Variants in CABYR observed in about 807,000 individuals in gnomAD.
The protein encoded by CABYR is calcium binding tyrosine phosphorylation regulated, also known as calcium-binding tyrosine phosphorylation-regulated protein.
In CABYR, 31 loss-of-function variants were observed where a neutral mutation model predicts 36.1. That is an observed-to-expected ratio of 0.86 (90% CI 0.64 to 1.16). The LOEUF is 1.16. CABYR is among the 50% of genes most tolerant of loss of function. CABYR has a pLI of 0.00. For synonymous variants in CABYR, 146 were observed against 160.7 expected, an observed-to-expected ratio of 0.91 and a Z score of 0.69; for missense variants, 429 against 455.8, an observed-to-expected ratio of 0.94 and a Z score of 0.53.
At chr18:24,149,055 C>T (rs1427159082) in intron 3 of CABYR, among the ~76,000 whole-genome samples, 4 of 152,136 alleles carry the variant, frequency 2.6e-5, no homozygotes, top group South Asian at 2.1e-4. Context: ...GGTGCGTTTA[C>T]AATCCCTGAG....
chr18:24,145,796 G>C (rs1221904741), intron 3 of CABYR, among the ~76,000 whole-genome samples: 1 of 152,110 alleles, frequency 6.6e-6, no homozygotes, highest in Non-Finnish European at 1.5e-5. Flanking sequence ...CCTCAGAAAG[G>C]TCATAAACTA....
At chr18:24,152,502 T>C (rs1030832386) in intron 3 of CABYR, 4 of 152,256 alleles carry the variant, frequency 2.6e-5, no homozygotes, top group Non-Finnish European at 4.4e-5. Flanking sequence ...CCCTGGTAAA[T>C]TGTTAAGGAT....
Position 24,155,956 on chromosome 18 carries a change from C to CA in CABYR, c.456dup (p.Pro153ThrfsTer19), listed in dbSNP as rs1462066864. 7 of 1,614,182 alleles carry CA rather than the reference C, an allele frequency of 4.3e-6. No homozygotes were observed. The highest frequency in any genetic ancestry group is 5.9e-6 in the Non-Finnish European group (7 of 1,180,040). ...CCAGCCACCCCTAAGACTACTACCC[C>CA]ACCCTCATCACCACCTCCAACAGCT... On this transcript the variant is annotated frameshift_variant, in exon 4 of 6. Transcript: ENST00000399496. LOFTEE classifies it high-confidence loss of function.
At chr18:24,152,420 C>G (rs1192456583) in intron 3 of CABYR, among the ~76,000 whole-genome samples, 1 of 152,144 alleles carries the variant, frequency 6.6e-6, no homozygotes, top group African/African-American at 2.4e-5. Context: ...AGAACCAGGA[C>G]TAGAACCTAG....
At chr18:24,142,848 C>T (rs113034319) in intron 1 of CABYR, among the ~76,000 whole-genome samples, 9,523 of 151,696 alleles carry the variant, frequency 0.063, 943 homozygotes, top group African/African-American at 0.21. Flanking sequence ...CTGGCTAACA[C>T]GGTGAAACCC....
At position 24,155,982 on chromosome 18, in the gene CABYR, G is replaced by C; in HGVS notation, c.481G>C (p.Val161Leu). ...ACCCTCATCACCACCTCCAACAGCT[G>C]TCTCACCAGAGTTTGCCTACGTCCC... The part of the protein sequence containing the change: ...TPPSSPPPTA[V>L]SPEFAYVPAD... Residue 161 changes from valine (V) to leucine (L), a missense_variant, in exon 4 of 6, where the codon GTC becomes CTC. Val to Leu is a conservative substitution (Grantham distance 32, BLOSUM62 1). Coordinates refer to ENST00000399496, the MANE Select transcript of CABYR (RefSeq NM_153769.3). 1 of 1,614,154 alleles carries C rather than the reference G, an allele frequency of 6.2e-7. No homozygotes were observed. Among genetic ancestry groups the C allele is most frequent in the South Asian group, 1.1e-5 (1 of 91,072 alleles).
intron 5 of CABYR, chr18:24,160,389 T>C (rs894925): frequency 0.51 from 134,217 of 262,346 alleles, 39,260 homozygotes; most frequent in Non-Finnish European, 0.64. Flanking sequence ...GATGGATTTT[T>C]AAAACAGGAC....
chr18:24,161,572 A>C lies in CABYR; in HGVS notation c.*56A>C. ...TCAGGGAGGAGTCTGCCACCAGTGT[A>C]ATGTATCAATAAACTTCATGCAAGC... On this transcript the variant is annotated 3_prime_UTR_variant, in exon 6 of 6. Coordinates refer to ENST00000399496, the MANE Select transcript of CABYR (RefSeq NM_153769.3). The C allele has an allele frequency of 1.3e-6, 1 of 778,178 alleles. No homozygotes were observed. Among genetic ancestry groups the C allele is most frequent in the Non-Finnish European group, 2.4e-6 (1 of 417,166 alleles). The allele number at this position is 778,178 out of a possible 1,614,324, so 48.2% of individuals were successfully genotyped here. A position where few individuals can be genotyped will look rare whatever the true frequency, so the allele number is the denominator to read the frequency against.
chr18:24,149,645 C>T (rs534777761), intron 3 of CABYR, among the ~76,000 whole-genome samples: 10 of 152,320 alleles, frequency 6.6e-5, no homozygotes, highest in African/African-American at 2.4e-4. Flanking sequence ...CAGGAGTCCA[C>T]GGAGTGGGTG....
chr18:24,156,334 AG>A (rs1335337211), intron 4 of CABYR: 1 of 1,614,194 alleles, frequency 6.2e-7, no homozygotes, highest in Non-Finnish European at 8.5e-7. Flanking sequence ...CAAGCTCCTG[AG>A]GTCACTTTGC....
At chr18:24,151,784 G>A (rs944943588) in intron 3 of CABYR, among the ~76,000 whole-genome samples, 2 of 150,450 alleles carry the variant, frequency 1.3e-5, no homozygotes, top group Non-Finnish European at 2.9e-5. Context: ...CTACCTCCCG[G>A]GCTCAAGCAA....
At chr18:24,156,664 C>T in intron 4 of CABYR, 1 of 1,614,200 alleles carries the variant, frequency 6.2e-7, no homozygotes, top group African/African-American at 1.3e-5. Flanking sequence ...GCTCTGCTCT[C>T]TGACACATCT....
At chr18:24,144,166 G>C (rs568228388) in intron 3 of CABYR, among the ~76,000 whole-genome samples, 2 of 152,182 alleles carry the variant, frequency 1.3e-5, no homozygotes, top group Admixed American at 6.5e-5. Flanking sequence ...CCAAAGTGCT[G>C]GGATTATACC....
Position 24,143,142 on chromosome 18 carries a change from G to C in CABYR, c.28G>C (p.Val10Leu). The change falls in exon 2 of 6, where the codon GTA (valine) becomes CTA (leucine). Residue 10 changes from valine to leucine, a missense_variant. Val to Leu is a conservative substitution (Grantham distance 32, BLOSUM62 1). Coordinates refer to ENST00000399496, the MANE Select transcript of CABYR (RefSeq NM_153769.3). Reference sequence around the variant, plus strand: ...GATTTCTTCAAAGCCCAGACTTGTCGTACCCTATGGCCTCAAGACTCTGCT... The same window carrying C: ...GATTTCTTCAAAGCCCAGACTTGTCCTACCCTATGGCCTCAAGACTCTGCT... MISSKPRLV[V>L]PYGLKTLLEG... 1.2e-6 allele frequency: 2 copies of C among 1,612,048 alleles called. No homozygotes were observed. The highest frequency in any genetic ancestry group is 1.7e-5 in the Admixed American group (1 of 59,656).
intron 1 of CABYR, chr18:24,139,830 T>C (rs913691940): frequency 4.6e-5 from 7 of 152,156 alleles, no homozygotes. Flanking sequence ...GATCATGGAG[T>C]GCATGGCCGC....
intron 3 of CABYR, among the ~76,000 whole-genome samples, chr18:24,145,118 G>A (rs866510913): frequency 1.3e-5 from 2 of 152,200 alleles, no homozygotes; most frequent in Non-Finnish European, 2.9e-5. Flanking sequence ...CCCTCCAGGA[G>A]TTCCTTTCAA....
At chr18:24,156,735 G>A (rs2085799060) in intron 4 of CABYR, 1 of 1,614,160 alleles carries the variant, frequency 6.2e-7, no homozygotes, top group Non-Finnish European at 8.5e-7. Flanking sequence ...TATCAAAATA[G>A]GCTCTGAAAA....
chr18:24,154,102 CAAAAAAAAAAA>C (rs33985751), intron 3 of CABYR, among the ~76,000 whole-genome samples: 2 of 57,434 alleles, frequency 3.5e-5, no homozygotes, highest in African/African-American at 1.3e-4. Context: ...GACTCCATCT[CAAAAAAAAAAA>C]AAAAAAAAAA....
At chr18:24,161,296 ACTT>A (rs1300985951) in intron 5 of CABYR, among the ~76,000 whole-genome samples, 1 of 152,210 alleles carries the variant, frequency 6.6e-6, no homozygotes, top group East Asian at 1.9e-4. Context: ...GGCTACATGT[ACTT>A]CTTCAACCTC....
Sources: gnomAD v4.1 joint callset for allele counts (sites outside exome capture counted in the v4.1 genomes callset) on GRCh38, gnomAD v4.1.1 for gene constraint, MANE v1.5 for transcripts, NCBI Gene and HGNC (gene_info 2026-07-23, HGNC 2026-07-21) for gene names.